EEF1G: variants seen among roughly 807,000 people sequenced by gnomAD.
The protein encoded by EEF1G is elongation factor 1-gamma.
In EEF1G, 14 loss-of-function variants were observed where a neutral mutation model predicts 58.3. The observed-to-expected ratio is 0.24, with a 90% CI of 0.16 to 0.38. The LOEUF (loss-of-function observed/expected upper bound fraction) is 0.38. Ranked by LOEUF, EEF1G falls within the 10% of genes least tolerant of loss-of-function variation. The pLI, the probability that EEF1G is intolerant of heterozygous loss-of-function variation, is 1.00. For synonymous variants in EEF1G, 180 were observed against 206.8 expected (o/e 0.87, Z 1.11); for missense variants, 322 against 550.1 (o/e 0.59, Z 4.15).
chr11:62,570,825 G>C, intron 5 of EEF1G, 140 bp downstream of exon 5: 1 of 1,180,418 alleles, frequency 8.5e-7, no homozygotes, highest in Non-Finnish European at 1.2e-6. Context: ...CAGTGTGCTC[G>C]GATTACAGGC....
Position 62,562,396 on chromosome 11 carries a change from T to C in EEF1G, c.858-1942A>G, listed in dbSNP as rs565064540. Among the ~76,000 whole-genome samples, 7 of 152,218 alleles carry C rather than the reference T, an allele frequency of 4.6e-5. No individual in the cohort carries two copies. In the East Asian group the frequency reaches 1.4e-3, roughly 29 times the overall value. ...CAGGTACAACATGTGTGTGTATATA[T>C]GTGTGTGTGTGCATATACATACACA... On this transcript the variant is annotated intron_variant, in intron 7 of 9. Transcript: ENST00000329251.
At chr11:62,567,563 G>T in intron 5 of EEF1G, 35 bp from the exon 6 acceptor site, 3 of 1,546,084 alleles carry the variant, frequency 1.9e-6, no homozygotes, top group Non-Finnish European at 2.6e-6. Flanking sequence ...AAAGTCAGTG[G>T]AAAGGCCCTG....
rs1941619885 is a variant in EEF1G, at chr11:62,570,895, C to G, written c.522+70G>C. 5 of 1,601,866 alleles carry G rather than the reference C, an allele frequency of 3.1e-6. No homozygotes were observed. The Admixed American group carries it at 6.7e-5, about 21-fold the overall frequency. On this transcript the variant is annotated intron_variant, in intron 5 of 9. Coordinates refer to ENST00000329251, the MANE Select transcript of EEF1G (RefSeq NM_001404.5). The stretch of plus-strand genomic sequence containing the variant: ...AGTCCTCAGCAGAATACAGGGTAAC[C>G]TAGATACCTCGTCACTTTGTTTCTA...
At chr11:62,560,557 T>C in intron 7 of EEF1G, 103 bp from the exon 8 acceptor site, 1 of 1,328,322 alleles carries the variant, frequency 7.5e-7, no homozygotes, top group African/African-American at 1.5e-5. Context: ...ATAAAGGAAA[T>C]GGTCATTGTG....
rs111913779 is a variant in EEF1G, at chr11:62,562,469, G to A, written c.858-2015C>T. Among the ~76,000 whole-genome samples the A allele has an allele frequency of 7.8e-3, 1,193 of 152,140 alleles. 20 individuals are homozygous for A. The highest frequency in any genetic ancestry group is 0.027 in the African/African-American group (1,119 of 41,510). ...AGAAAATCACCTATAATGCCAACAA[G>A]AGGATAATCTTTTTTTTGTTTTGTT... On this transcript the variant is annotated intron_variant, in intron 7 of 9. Transcript: ENST00000329251.
intron 7 of EEF1G, among the ~76,000 whole-genome samples, chr11:62,561,650 G>C (rs1470962820): frequency 8.2e-6 from 1 of 121,792 alleles, no homozygotes; most frequent in Admixed American, 1.0e-4. Flanking sequence ...AACAGAGCAA[G>C]ACTCCGTCTC....
chr11:62,570,861 T>G, intron 5 of EEF1G, 104 bp downstream of exon 5: 1 of 1,502,786 alleles, frequency 6.7e-7, no homozygotes, highest in East Asian at 2.3e-5. Flanking sequence ...CACCTCTAGC[T>G]GTTTTCCAAG....
rs1401845488 is a variant in EEF1G, at chr11:62,567,190, A to C, written c.653-180T>G. 4 of 925,156 alleles carry C rather than the reference A, an allele frequency of 4.3e-6. No individual in the cohort carries two copies. In the African/African-American group the frequency reaches 5.0e-5, roughly 12 times the overall value. The allele number at this position is 925,156 out of a possible 1,614,324, so 57.3% of individuals were successfully genotyped here. On this transcript the variant is annotated intron_variant, in intron 6 of 9. Transcript: ENST00000329251. ...CTCCAGCAACAACACACTCAGCAAC[A>C]AATACTTTATATCGCAAATCTATAT...
intron 5 of EEF1G, among the ~76,000 whole-genome samples, chr11:62,569,776 C>T (rs1031885511): frequency 6.6e-6 from 1 of 152,166 alleles, no homozygotes; most frequent in Non-Finnish European, 1.5e-5. Context: ...CCCCATGAGG[C>T]CCCTGGCACA....
intron 5 of EEF1G, among the ~76,000 whole-genome samples, chr11:62,570,723 T>A (rs1036002642): frequency 4.0e-5 from 6 of 151,794 alleles, no homozygotes; most frequent in Non-Finnish European, 8.8e-5. Flanking sequence ...CCTGGCTAAT[T>A]TTTTGTATTT....
At chr11:62,570,875 T>G in intron 5 of EEF1G, 90 bp downstream of exon 5, 1 of 1,564,862 alleles carries the variant, frequency 6.4e-7, no homozygotes, top group Non-Finnish European at 8.7e-7. Context: ...TTCCAAGTCC[T>G]CAGCAGAATA....
At chr11:62,562,545 G>A (rs569424285) in intron 7 of EEF1G, among the ~76,000 whole-genome samples, 19 of 152,064 alleles carry the variant, frequency 1.2e-4, no homozygotes, top group Admixed American at 1.1e-3. Context: ...GCAGTGGTGC[G>A]ATCTCGGCTC....
chr11:62,563,436 TAAAAC>T (rs1374054105), intron 7 of EEF1G, among the ~76,000 whole-genome samples: 2 of 152,088 alleles, frequency 1.3e-5, no homozygotes, highest in East Asian at 1.9e-4. Flanking sequence ...GCGCCCAGCC[TAAAAC>T]AAAACAATTT....
At chr11:62,560,533 TA>T in intron 7 of EEF1G, 79 bp from the exon 8 acceptor site, 4 of 1,444,178 alleles carry the variant, frequency 2.8e-6, no homozygotes, top group Non-Finnish European at 3.8e-6. Context: ...TGCTTTCACT[TA>T]AAATTTACTA....
chr11:62,567,040 GA>G, intron 6 of EEF1G, 30 bp from the exon 7 acceptor site: 1 of 1,608,612 alleles, frequency 6.2e-7, no homozygotes, highest in Non-Finnish European at 8.5e-7. Flanking sequence ...GAAAGTGAAC[GA>G]ATGTTCTGCC....
At chr11:62,568,413 T>G (rs1240833891) in intron 5 of EEF1G, among the ~76,000 whole-genome samples, 1 of 147,378 alleles carries the variant, frequency 6.8e-6, no homozygotes, top group East Asian at 2.1e-4. Flanking sequence ...AAAAAAAAAT[T>G]TTAATAGAGA....
Position 62,561,688 on chromosome 11 carries a change from A to AAAAAAAACAAAAC in EEF1G, c.858-1235_858-1234insGTTTTGTTTTTTT, listed in dbSNP as rs1555042619. 4.0e-4 allele frequency among the ~76,000 whole-genome samples: 56 copies of AAAAAAAACAAAAC among 140,506 alleles called. 3 individuals carry two copies. The highest frequency in any genetic ancestry group is 7.6e-4 in the Non-Finnish European group (48 of 63,242). 92.2% of individuals were successfully genotyped at this position (140,506 alleles called of 152,430 possible). A position where few individuals can be genotyped will look rare whatever the true frequency, so the allele number is the denominator to read the frequency against. On this transcript the variant is annotated intron_variant, in intron 7 of 9. Transcript: ENST00000329251. ...AAAAAAAACAAAAAAAAAACAAAAA[A>AAAAAAAACAAAAC]AAAAAAAACAACCAAAAAACACATA...
intron 2 of EEF1G, among the ~76,000 whole-genome samples, chr11:62,572,127 A>C (rs1366009683): frequency 6.6e-6 from 1 of 152,034 alleles, no homozygotes; most frequent in East Asian, 1.9e-4. Context: ...ATATTACAGG[A>C]TATTTGTATG....
At position 62,567,249 on chromosome 11, in the gene EEF1G, C is replaced by T. The variant is rs17157390; in HGVS notation, c.652+150G>A. ...AAATTAGTCAGGGTATGAGTGTACA[C>T]GAAACTGCACATAATATTAGCTACC... On this transcript the variant is annotated intron_variant, in intron 6 of 9. Coordinates refer to ENST00000329251, the MANE Select transcript of EEF1G (RefSeq NM_001404.5). The T allele has an allele frequency of 8.9e-4, 1,010 of 1,134,266 alleles. 9 individuals carry two copies. In the African/African-American group the frequency reaches 0.012, roughly 14 times the overall value. The allele number at this position is 1,134,266 out of a possible 1,614,324, so 70.3% of individuals were successfully genotyped here.
Sources: gnomAD v4.1 joint callset for allele counts (sites outside exome capture counted in the v4.1 genomes callset) on GRCh38, gnomAD v4.1.1 for gene constraint, MANE v1.5 for transcripts, NCBI Gene and HGNC (gene_info 2026-07-23, HGNC 2026-07-21) for gene names.